RPP40: variants seen among roughly 807,000 people sequenced by gnomAD.
The protein encoded by RPP40 is ribonuclease P/MRP subunit p40.
In RPP40, 30 loss-of-function variants were observed where a neutral mutation model predicts 42.5. The observed-to-expected ratio is 0.71, with a 90% confidence interval of 0.53 to 0.96. The LOEUF is 0.96. Ranked by LOEUF, RPP40 falls within the 40% of genes least tolerant of loss-of-function variation. The pLI, the probability that RPP40 is intolerant of heterozygous loss-of-function variation, is 0.00. For missense variants in RPP40, 426 were observed against 433.5 expected (o/e 0.98, Z 0.15); for synonymous variants, 173 against 164.0 (o/e 1.05, Z -0.42).
intron 6 of RPP40, 40 bp downstream of exon 6, chr6:4,996,182 G>C: frequency 6.2e-7 from 1 of 1,608,678 alleles, no homozygotes; most frequent in African/African-American, 1.3e-5. Context: ...ACAAGCAGCA[G>C]GCCAGAGCCC....
rs570544704 is a variant in RPP40, at chr6:4,996,102, AAAAG to A, written c.759-21_759-18del. ...TCATTATTTCTGTCACCAAAAAAAT[AAAAG>A]AGAGAGAGATAACACATGTATATCC... On this transcript the variant is annotated intron_variant, in intron 6 of 7. Transcript: ENST00000380051. 185 of 1,613,362 alleles carry A rather than the reference AAAAG, an allele frequency of 1.1e-4. No individual in the cohort carries two copies. In the African/African-American group the frequency reaches 1.8e-3, roughly 16 times the overall value.
At chr6:5,003,576 C>T (rs893177620) in intron 1 of RPP40, 3 of 280,042 alleles carry the variant, frequency 1.1e-5, no homozygotes, top group African/African-American at 6.6e-5. Context: ...GAATCCCTCC[C>T]TGGACTCACT....
At position 5,001,958 on chromosome 6, in the gene RPP40, C is replaced by T. The variant is rs533389299; in HGVS notation, c.268+143G>A. ...TACAAGAAAGAACAGGATGAGAATGCGGGGGAGAACGCGTGTGCACCTGAC... is the reference window on the plus strand; with the variant it reads ...TACAAGAAAGAACAGGATGAGAATGTGGGGGAGAACGCGTGTGCACCTGAC... On this transcript the variant is annotated intron_variant, in intron 2 of 7. Coordinates refer to ENST00000380051, the MANE Select transcript of RPP40 (RefSeq NM_006638.4). 2.8e-4 allele frequency: 187 copies of T among 667,962 alleles called. 1 individual carries two copies. Among genetic ancestry groups the T allele is most frequent in the Non-Finnish European group, 4.1e-4 (164 of 398,396 alleles). 41.4% of individuals were successfully genotyped at this position (667,962 alleles called of 1,614,324 possible).
rs769645058 is a variant in RPP40, at chr6:5,004,029, G to A, written c.-27C>T. On this transcript the variant is annotated 5_prime_UTR_variant, in exon 1 of 8. Coordinates refer to ENST00000380051, the MANE Select transcript of RPP40 (RefSeq NM_006638.4). ...CTCTCCTGGGTTCCTGGTCCTCCCG[G>A]CCTCCGCTGGCGGGGCACGCCCCGC... is the stretch of plus-strand genomic sequence containing the variant. 6.4e-7 allele frequency: 1 copy of A among 1,567,752 alleles called. No homozygotes were observed. Among genetic ancestry groups the A allele is most frequent in the Non-Finnish European group, 8.6e-7 (1 of 1,157,714 alleles).
At chr6:4,993,595 G>C (rs181277710), downstream of RPP40, among the ~76,000 whole-genome samples, 49 of 152,142 alleles carry the variant, frequency 3.2e-4, no homozygotes, top group African/African-American at 1.1e-3. Flanking sequence ...TTCCTCCAAA[G>C]ACAATCTGTT....
chr6:4,995,999 G>C lies in RPP40; in HGVS notation c.845C>G (p.Thr282Ser), dbSNP rs1482231934. 8.7e-6 allele frequency: 14 copies of C among 1,614,138 alleles called. No homozygotes were observed. Among genetic ancestry groups the C allele is most frequent in the Non-Finnish European group, 1.2e-5 (14 of 1,179,982 alleles). ...VVAKAYLCTITGFILPEKICL... is the reference protein window; with the variant it reads ...VVAKAYLCTISGFILPEKICL... ...GATCTTCTCTGGAAGTATGAAGCCAGTGATTGTACACAAATAAGCTTTTGC... is the reference window on the plus strand; with the variant it reads ...GATCTTCTCTGGAAGTATGAAGCCACTGATTGTACACAAATAAGCTTTTGC... The change falls in exon 7 of 8, where the codon ACT becomes AGT. Residue 282 changes from threonine (T) to serine (S), a missense_variant. Thr to Ser is a moderately conservative substitution (Grantham distance 58). Coordinates refer to ENST00000380051, the MANE Select transcript of RPP40 (RefSeq NM_006638.4).
rs748562992 is a variant in RPP40 at position 4,995,156 on chromosome 6, T to C, written c.1014A>G (p.Leu338=). ...GATTATTAAAAATCACAAAGTTATA[T>C]AAATGTTCTCCTCCTTTTCGAAAAC... ...EHGFRKGGEH[L]YNFVIFNNQD... The change falls in exon 8 of 8, where the codon TTA becomes TTG. Residue 338 remains leucine, a synonymous_variant. Coordinates refer to ENST00000380051, the MANE Select transcript of RPP40 (RefSeq NM_006638.4). 6.2e-7 allele frequency: 1 copy of C among 1,614,152 alleles called. No individual in the cohort carries two copies. The highest frequency in any genetic ancestry group is 8.5e-7 in the Non-Finnish European group (1 of 1,179,964).
chr6:4,991,848 T>A (rs967350481), downstream of RPP40, among the ~76,000 whole-genome samples: 2 of 152,200 alleles, frequency 1.3e-5, no homozygotes, highest in Non-Finnish European at 2.9e-5. Context: ...TGGGGGTGGA[T>A]TCCCCCATTT....
At position 4,998,887 on chromosome 6, in the gene RPP40, A is replaced by C. The variant is rs755297256; in HGVS notation, c.434-46T>G. 3 of 1,175,506 alleles carry C rather than the reference A, an allele frequency of 2.6e-6. No individual in the cohort carries two copies. The African/African-American group carries it at 4.8e-5, about 19-fold the overall frequency. 72.8% of individuals were successfully genotyped at this position (1,175,506 alleles called of 1,614,324 possible). A position where few individuals can be genotyped will look rare whatever the true frequency, so the allele number is the denominator to read the frequency against. Reference sequence around the variant, plus strand: ...ACATATATTTCATTCATATACGTACAGCTTCTACCATGGAAAAAGTGTTAC... The same window carrying C: ...ACATATATTTCATTCATATACGTACCGCTTCTACCATGGAAAAAGTGTTAC... On this transcript the variant is annotated intron_variant, in intron 4 of 7. Transcript: ENST00000380051.
rs1174800343 is a variant in RPP40, at chr6:5,001,364, G to A, written c.269-733C>T. 2.0e-5 allele frequency among the ~76,000 whole-genome samples: 3 copies of A among 152,208 alleles called. No individual in the cohort carries two copies. In the East Asian group the frequency reaches 5.8e-4, roughly 29 times the overall value. On this transcript the variant is annotated intron_variant, in intron 2 of 7. Coordinates refer to ENST00000380051, the MANE Select transcript of RPP40 (RefSeq NM_006638.4). ...AATAGATGAAAGGAATAACGGTGAT[G>A]AGACCAGACAAGATGCCCAGCTCAT...
chr6:4,995,535 A>G (rs1759348052), intron 7 of RPP40, among the ~76,000 whole-genome samples: 1 of 152,232 alleles, frequency 6.6e-6, no homozygotes, highest in Non-Finnish European at 1.5e-5. Context: ...TAAGACAAAA[A>G]GAACCCAAAA....
In RPP40 at chr6:4,996,304, C is replaced by T. The variant is rs752857918; in HGVS notation, c.676G>A (p.Glu226Lys). The T allele has an allele frequency of 8.7e-6, 14 of 1,614,032 alleles. No individual in the cohort carries two copies. The highest frequency in any genetic ancestry group is 4.0e-5 in the African/African-American group (3 of 74,938). Residue 226 changes from glutamate (E) to lysine (K), a missense_variant, in exon 6 of 8, where the codon GAG becomes AAG. Coordinates refer to ENST00000380051, the MANE Select transcript of RPP40 (RefSeq NM_006638.4). ...GACACCTCTGGCGTTCCCTCCAGCTCGCTGCTCTGCAGCACTGGGCACTGG... is the reference window on the plus strand; with the variant it reads ...GACACCTCTGGCGTTCCCTCCAGCTTGCTGCTCTGCAGCACTGGGCACTGG... ...DLQCPVLQSS[E>K]LEGTPEVSCR...
chr6:5,002,027 C>T, intron 2 of RPP40, 74 bp downstream of exon 2: 1 of 1,346,620 alleles, frequency 7.4e-7, no homozygotes, highest in Non-Finnish European at 1.0e-6. Flanking sequence ...AAAACAACAG[C>T]CCTAGCATCG....
At chr6:4,998,682 A>AT (rs1561745057) in intron 5 of RPP40, 34 bp downstream of exon 5, 4 of 1,420,404 alleles carry the variant, frequency 2.8e-6, no homozygotes, top group Non-Finnish European at 1.9e-6. Context: ...TACTTTCAAA[A>AT]TCACTGTATC....
chr6:5,000,360 G>A (rs1239153623), intron 3 of RPP40, among the ~76,000 whole-genome samples: 4 of 151,986 alleles, frequency 2.6e-5, no homozygotes, highest in African/African-American at 7.2e-5. Context: ...GCTAATTTTT[G>A]TATTTTTAGT....
downstream of RPP40, among the ~76,000 whole-genome samples, chr6:4,994,575 G>A (rs1759312572): frequency 1.3e-5 from 2 of 152,144 alleles, no homozygotes; most frequent in East Asian, 1.9e-4. Context: ...AACTAGGCTG[G>A]CCTGAGATCA....
In RPP40 at chr6:4,996,344, G is replaced by A. The variant is rs771548860; in HGVS notation, c.636C>T (p.Ser212=). ...CTGGGCACTGGAGATCTCTCAACGT[G>A]CTCAGTGCTACTTTTGGCTGATGCT... ...IQEHQPKVAL[S]TLRDLQCPVL... is the part of the protein sequence containing the mutation. The change falls in exon 6 of 8, where the codon AGC becomes AGT. Residue 212 remains serine, a synonymous_variant. Coordinates refer to ENST00000380051, the MANE Select transcript of RPP40 (RefSeq NM_006638.4). 4 of 1,613,960 alleles carry A rather than the reference G, an allele frequency of 2.5e-6. No individual in the cohort carries two copies. Among genetic ancestry groups the A allele is most frequent in the Non-Finnish European group, 3.4e-6 (4 of 1,180,038 alleles).
intron 5 of RPP40, among the ~76,000 whole-genome samples, chr6:4,997,081 G>C (rs769802835): frequency 4.9e-4 from 75 of 152,204 alleles, no homozygotes; most frequent in Admixed American, 1.5e-3. Context: ...TACTGCATGT[G>C]CCAGCATCGC....
At chr6:4,992,931 A>C (rs979302557), downstream of RPP40, among the ~76,000 whole-genome samples, 1 of 152,214 alleles carries the variant, frequency 6.6e-6, no homozygotes, top group Non-Finnish European at 1.5e-5. Context: ...ATCACACTCT[A>C]TCTTCAAATG....
Sources: gnomAD v4.1 joint callset for allele counts (sites outside exome capture counted in the v4.1 genomes callset) on GRCh38, gnomAD v4.1.1 for gene constraint, MANE v1.5 for transcripts, NCBI Gene and HGNC (gene_info 2026-07-23, HGNC 2026-07-21) for gene names.